PTPN4: variants seen among roughly 807,000 people sequenced by gnomAD.
PTPN4 encodes tyrosine-protein phosphatase non-receptor type 4.
Under a neutral mutation model 135.5 loss-of-function variants are expected in PTPN4, and 49 were observed. That is an observed-to-expected ratio of 0.36 (90% CI 0.29 to 0.46). The LOEUF (loss-of-function observed/expected upper bound fraction) is 0.46, where lower values mean the gene tolerates loss of function less well. Among genes scored for constraint, PTPN4 ranks in the 20% least tolerant of loss-of-function variants. The probability of loss-of-function intolerance (pLI) is 1.00; values close to 1 mark genes in which losing one functional copy is unlikely to be tolerated. For missense variants in PTPN4, 860 were observed against 1,101.0 expected, an observed-to-expected ratio of 0.78 and a Z score of 3.10; for synonymous variants, 333 against 369.9, an observed-to-expected ratio of 0.90 and a Z score of 1.14.
At chr2:119,795,951 G>A (rs758690132) in intron 1 of PTPN4, among the ~76,000 whole-genome samples, 1 of 151,880 alleles carries the variant, frequency 6.6e-6, no homozygotes, top group African/African-American at 2.4e-5. Flanking sequence ...AAACCCTGCA[G>A]AAATGAACCC....
intron 2 of PTPN4, among the ~76,000 whole-genome samples, chr2:119,846,543 T>G (rs1322209536): frequency 6.7e-6 from 1 of 150,374 alleles, no homozygotes; most frequent in Non-Finnish European, 1.5e-5. Flanking sequence ...CAGCATATAC[T>G]TGCGTCTTAT....
At chr2:119,820,973 T>G (rs900674144) in intron 2 of PTPN4, among the ~76,000 whole-genome samples, 4 of 151,876 alleles carry the variant, frequency 2.6e-5, no homozygotes, top group African/African-American at 7.3e-5. Flanking sequence ...TTGAAAATAT[T>G]TATCCTGAAA....
In PTPN4 at chr2:119,903,342, G is replaced by A. The variant is rs559075365; in HGVS notation, c.764+2536G>A. On this transcript the variant is annotated intron_variant, in intron 10 of 26. Transcript: ENST00000263708. ...GGGACATTTATATGCCCTGTCCACC[G>A]TCACCAGTGATAACATCAAGGGCCT... Among the ~76,000 whole-genome samples, 18 of 152,052 alleles carry A rather than the reference G, an allele frequency of 1.2e-4. No homozygotes were observed. In the South Asian group the frequency reaches 1.7e-3, roughly 14 times the overall value.
rs1679713003 is a variant in PTPN4 at position 119,982,724 on chromosome 2, G to T, written c.*5654G>T. 1 of 152,150 alleles carries T rather than the reference G, an allele frequency of 6.6e-6. No homozygotes were observed. 9.4% of individuals were successfully genotyped at this position (152,150 alleles called of 1,614,324 possible). A position where few individuals can be genotyped will look rare whatever the true frequency, so the allele number is the denominator to read the frequency against. On this transcript the variant is annotated 3_prime_UTR_variant, in exon 27 of 27. Transcript: ENST00000263708. Reference sequence around the variant, plus strand: ...GGCTTTGTCAAATGAGGACATTGTTGTGAGGGTGTGACTTTTGTGAAGCCA... The same window carrying T: ...GGCTTTGTCAAATGAGGACATTGTTTTGAGGGTGTGACTTTTGTGAAGCCA...
At chr2:119,853,550 C>A (rs1447615933) in intron 2 of PTPN4, among the ~76,000 whole-genome samples, 2 of 151,894 alleles carry the variant, frequency 1.3e-5, no homozygotes, top group African/African-American at 4.8e-5. Context: ...ATATAAAAAC[C>A]TTATCTACTT....
At chr2:119,947,762 C>CCCCACA (rs1553474167) in intron 18 of PTPN4, among the ~76,000 whole-genome samples, 1 of 147,142 alleles carries the variant, frequency 6.8e-6, no homozygotes, top group Non-Finnish European at 1.5e-5. Flanking sequence ...AACACCACTA[C>CCCCACA]CACACACACA....
intron 2 of PTPN4, among the ~76,000 whole-genome samples, chr2:119,813,605 T>C (rs1270640778): frequency 6.6e-6 from 1 of 152,176 alleles, no homozygotes; most frequent in African/African-American, 2.4e-5. Context: ...TGTAGCTATA[T>C]TGCCTTTCCA....
intron 9 of PTPN4, among the ~76,000 whole-genome samples, chr2:119,886,910 T>C (rs1342115893): frequency 1.3e-5 from 2 of 152,198 alleles, no homozygotes; most frequent in East Asian, 1.9e-4. Flanking sequence ...CTTGTAATTC[T>C]GAGTGTTACT....
Position 119,792,738 on chromosome 2 carries a change from C to T in PTPN4, c.-17-17099C>T, listed in dbSNP as rs145964605. On this transcript the variant is annotated intron_variant, in intron 1 of 26. Transcript: ENST00000263708. ...TTTTCTATTTTCCCTAAGTGTCAGC[C>T]GGTCTGAGAAATAAAGGGAAAGAGT... Among the ~76,000 whole-genome samples, 15 of 152,150 alleles carry T rather than the reference C, an allele frequency of 9.9e-5. 1 individual carries two copies. The highest frequency in any genetic ancestry group is 2.4e-4 in the African/African-American group (10 of 41,504).
At chr2:119,820,321 A>T (rs531497387) in intron 2 of PTPN4, among the ~76,000 whole-genome samples, 27 of 152,336 alleles carry the variant, frequency 1.8e-4, no homozygotes, top group African/African-American at 6.3e-4. Context: ...TTGGGAAAGG[A>T]TGTATGACAT....
intron 1 of PTPN4, among the ~76,000 whole-genome samples, chr2:119,801,423 A>C (rs1691365607): frequency 6.6e-6 from 1 of 152,194 alleles, no homozygotes; most frequent in Non-Finnish European, 1.5e-5. Flanking sequence ...TATCTAAAAT[A>C]AAATTATCTA....
At chr2:119,959,616 T>C (rs970293208) in intron 22 of PTPN4, among the ~76,000 whole-genome samples, 4 of 152,230 alleles carry the variant, frequency 2.6e-5, no homozygotes, top group African/African-American at 9.6e-5. Flanking sequence ...TAGAAAAATA[T>C]GCTTTGGGAT....
intron 15 of PTPN4, among the ~76,000 whole-genome samples, chr2:119,943,592 T>C (rs896892169): frequency 1.5e-5 from 2 of 135,556 alleles, no homozygotes; most frequent in African/African-American, 2.8e-5. Flanking sequence ...TTTTTTTTTT[T>C]TTTTTTTTTT....
At chr2:119,931,000 A>G (rs1472053441) in intron 13 of PTPN4, among the ~76,000 whole-genome samples, 1 of 152,126 alleles carries the variant, frequency 6.6e-6, no homozygotes, top group African/African-American at 2.4e-5. Flanking sequence ...CTTATTAACT[A>G]TAACCAAAAA....
At chr2:119,835,520 A>G (rs1486757923) in intron 2 of PTPN4, among the ~76,000 whole-genome samples, 1 of 151,934 alleles carries the variant, frequency 6.6e-6, no homozygotes, top group Non-Finnish European at 1.5e-5. Flanking sequence ...TCTCTTATTA[A>G]TCACTCCCTC....
chr2:119,831,670 C>T (rs949940368), intron 2 of PTPN4, among the ~76,000 whole-genome samples: 5 of 152,168 alleles, frequency 3.3e-5, no homozygotes, highest in African/African-American at 1.2e-4. Flanking sequence ...ATTATAGGCA[C>T]ATCTTTCTTT....
chr2:119,847,328 ATTTTT>A (rs150876390), intron 2 of PTPN4, among the ~76,000 whole-genome samples: 2 of 102,754 alleles, frequency 1.9e-5, no homozygotes, highest in East Asian at 2.4e-4. Flanking sequence ...ATATATATAT[ATTTTT>A]TTTTTTTTTT....
intron 11 of PTPN4, among the ~76,000 whole-genome samples, chr2:119,917,952 C>T (rs78486416): frequency 0.087 from 13,294 of 152,128 alleles, 728 homozygotes; most frequent in Middle Eastern, 0.17. Flanking sequence ...ATGGAAATTA[C>T]TTATAGACTT....
intron 1 of PTPN4, among the ~76,000 whole-genome samples, chr2:119,789,889 A>ATT (rs1186252784): frequency 6.7e-6 from 1 of 148,308 alleles, no homozygotes; most frequent in Non-Finnish European, 1.5e-5. Context: ...TGCTCAGCTA[A>ATT]TTTTTTTTTT....
Sources: allele counts gnomAD v4.1 joint callset (sites outside exome capture counted in the v4.1 genomes callset), GRCh38; gene constraint gnomAD v4.1.1; transcripts MANE v1.5; gene names NCBI Gene and HGNC (gene_info 2026-07-23, HGNC 2026-07-21).